Variants in ATXN7 observed in about 807,000 individuals in gnomAD.
The protein encoded by ATXN7 is ataxin 7.
ATXN7 carries 12 observed loss-of-function variants against 70.5 expected under a neutral mutation model. The observed-to-expected ratio is 0.17, with a 90% CI of 0.11 to 0.28. The LOEUF is 0.28. ATXN7 is among the 10% of genes least tolerant of loss of function. ATXN7 has a pLI of 1.00. For synonymous variants in ATXN7, 498 were observed against 448.7 expected (o/e 1.11, Z -1.39); for missense variants, 1,256 against 1,131.7 (o/e 1.11, Z -1.58).
At chr3:63,893,320 TAATGGTGA>T (rs1703343177) in intron 1 of ATXN7, among the ~76,000 whole-genome samples, 1 of 152,206 alleles carries the variant, frequency 6.6e-6, no homozygotes, top group African/African-American at 2.4e-5. Context: ...TACTTTTAGC[TAATGGTGA>T]AATGGTGCCC....
intron 4 of ATXN7, among the ~76,000 whole-genome samples, chr3:63,928,212 A>G (rs1399687530): frequency 6.6e-6 from 1 of 152,120 alleles, no homozygotes; most frequent in African/African-American, 2.4e-5. Flanking sequence ...GATCTGGGAG[A>G]ATCACTTGAG....
At chr3:63,868,310 C>G (rs1445613658) in intron 1 of ATXN7, among the ~76,000 whole-genome samples, 1 of 152,164 alleles carries the variant, frequency 6.6e-6, no homozygotes, top group East Asian at 1.9e-4. Context: ...TAGCTACTTA[C>G]CCTGCTTGAC....
chr3:63,951,504 A>G (rs1361369591), intron 4 of ATXN7, among the ~76,000 whole-genome samples: 1 of 152,244 alleles, frequency 6.6e-6, no homozygotes, highest in East Asian at 1.9e-4. Flanking sequence ...GATATTCTAA[A>G]GAGTGAATGT....
rs2075491483 is a variant in ATXN7, at chr3:63,981,812, C to T, written c.753-374C>T. Among the ~76,000 whole-genome samples the T allele has an allele frequency of 4.6e-5, 7 of 152,182 alleles. No individual in the cohort carries two copies. In the South Asian group the frequency reaches 8.3e-4, roughly 18 times the overall value. On this transcript the variant is annotated intron_variant, in intron 6 of 12. Coordinates refer to ENST00000674280, the MANE Select transcript of ATXN7 (RefSeq NM_001377405.1). ...ATCCTTTCGTACAAATGGCAGTCCT[C>T]AAAAGATATTCTCCAAGGGTTCTGC... is the stretch of plus-strand genomic sequence containing the variant.
At chr3:63,933,929 T>C (rs577695942) in intron 4 of ATXN7, among the ~76,000 whole-genome samples, 68 of 152,202 alleles carry the variant, frequency 4.5e-4, no homozygotes, top group Non-Finnish European at 8.5e-4. Flanking sequence ...TTTTTTTTTT[T>C]CCTAAATTAG....
chr3:63,978,583 C>T (rs532026762), intron 5 of ATXN7, among the ~76,000 whole-genome samples: 3 of 152,276 alleles, frequency 2.0e-5, no homozygotes, highest in African/African-American at 7.2e-5. Context: ...GTTTTTTATT[C>T]CTTATACACA....
chr3:63,978,871 T>G (rs1443745498), intron 5 of ATXN7, among the ~76,000 whole-genome samples: 2 of 152,232 alleles, frequency 1.3e-5, no homozygotes, highest in Non-Finnish European at 2.9e-5. Flanking sequence ...AATAAACCAT[T>G]GAAGTCTTAC....
intron 1 of ATXN7, among the ~76,000 whole-genome samples, chr3:63,872,268 T>C (rs1350387104): frequency 6.6e-6 from 1 of 152,236 alleles, no homozygotes; most frequent in Non-Finnish European, 1.5e-5. Context: ...CTGTCAGTTA[T>C]CTATTGTTAA....
chr3:63,927,763 C>G (rs1704775462), intron 4 of ATXN7, among the ~76,000 whole-genome samples: 1 of 151,916 alleles, frequency 6.6e-6, no homozygotes, highest in Non-Finnish European at 1.5e-5. Context: ...AGGCCTTTTT[C>G]TTTCCACTCT....
intron 1 of ATXN7, among the ~76,000 whole-genome samples, chr3:63,880,480 G>T (rs540217196): frequency 1.3e-5 from 2 of 152,266 alleles, no homozygotes; most frequent in Admixed American, 6.5e-5. Context: ...CCTTTCCATT[G>T]CCTAGAGGAA....
rs368165026 is a variant in ATXN7 at position 63,982,961 on chromosome 3, C to T, written c.1035C>T (p.Ile345=). Residue 345 remains isoleucine, a synonymous_variant, in exon 8 of 13, where the codon ATC becomes ATT. Coordinates refer to ENST00000674280, the MANE Select transcript of ATXN7 (RefSeq NM_001377405.1). The part of the protein sequence containing the change: ...RLSEREFDPD[I]HCGVIDLDTK... Reference sequence around the variant, plus strand: ...CAGAAAGAGAGTTTGATCCTGACATCCACTGTGGGGTTATTGATCTCGACA... The same window carrying T: ...CAGAAAGAGAGTTTGATCCTGACATTCACTGTGGGGTTATTGATCTCGACA... 4 of 1,613,834 alleles carry T rather than the reference C, an allele frequency of 2.5e-6. No homozygotes were observed. In the African/African-American group the frequency reaches 4.0e-5, roughly 16 times the overall value.
At chr3:63,958,402 A>T (rs972095709) in intron 5 of ATXN7, among the ~76,000 whole-genome samples, 1 of 152,182 alleles carries the variant, frequency 6.6e-6, no homozygotes, top group Admixed American at 6.5e-5. Context: ...GAGAAAAATG[A>T]ATTTTTTCTC....
intron 4 of ATXN7, among the ~76,000 whole-genome samples, chr3:63,914,485 A>C (rs1704182884): frequency 6.6e-6 from 1 of 152,216 alleles, no homozygotes; most frequent in Non-Finnish European, 1.5e-5. Context: ...ATGATGTTGC[A>C]ATATGAAAAA....
chr3:63,976,022 C>T (rs538946950), intron 5 of ATXN7, among the ~76,000 whole-genome samples: 2 of 152,250 alleles, frequency 1.3e-5, no homozygotes, highest in South Asian at 4.1e-4. Context: ...GGTGCCAGAT[C>T]CTGGAGAGAG....
chr3:63,882,215 G>A (rs758847901), intron 1 of ATXN7, among the ~76,000 whole-genome samples: 10 of 152,066 alleles, frequency 6.6e-5, no homozygotes, highest in Non-Finnish European at 1.5e-4. Flanking sequence ...CCTTACACAA[G>A]TTACTTCACC....
At chr3:63,948,083 C>A (rs935607531) in intron 4 of ATXN7, among the ~76,000 whole-genome samples, 1 of 152,042 alleles carries the variant, frequency 6.6e-6, no homozygotes, top group Non-Finnish European at 1.5e-5. Flanking sequence ...ACTCTGGCAG[C>A]CTTGTGGAAA....
chr3:63,996,617 TAAA>T (rs752406394), intron 12 of ATXN7, 134 bp downstream of exon 12: 29,097 of 200,166 alleles, frequency 0.15, 1,153 homozygotes, highest in Admixed American at 0.18. Context: ...GGTGTCTTCT[TAAA>T]AAAAAAAAAA....
rs1169144915 is a variant in ATXN7, at chr3:64,002,586, A to G, written c.*3119A>G. 6.6e-6 allele frequency: 1 copy of G among 152,176 alleles called. No homozygotes were observed. The highest frequency in any genetic ancestry group is 1.5e-5 in the Non-Finnish European group (1 of 68,054). The allele number at this position is 152,176 out of a possible 1,614,324, so 9.4% of individuals were successfully genotyped here. On this transcript the variant is annotated 3_prime_UTR_variant, in exon 13 of 13. Transcript: ENST00000674280. Reference sequence around the variant, plus strand: ...TTTAAAACTAATGGAAAAAACTGAAAGTGCCTGAAACTAGTTTTAAGCTTA... The same window carrying G: ...TTTAAAACTAATGGAAAAAACTGAAGGTGCCTGAAACTAGTTTTAAGCTTA...
rs377662689 is a variant in ATXN7, at chr3:63,988,311, C to T, written c.1348C>T (p.Pro450Ser). The T allele has an allele frequency of 1.4e-4, 227 of 1,613,944 alleles. No individual in the cohort carries two copies. Among genetic ancestry groups the T allele is most frequent in the Non-Finnish European group, 1.8e-4 (217 of 1,180,014 alleles). The change falls in exon 9 of 13, where the codon CCC becomes TCC. Residue 450 changes from proline to serine, a missense_variant. Pro to Ser is a moderately conservative substitution (Grantham distance 74, BLOSUM62 -1). Coordinates refer to ENST00000674280, the MANE Select transcript of ATXN7 (RefSeq NM_001377405.1). Reference sequence around the variant, plus strand: ...AGCTAGTAAACCTAAACCTCACACCCCCAGTCTTCCAAGGTAAGCCAGGCC... The same window carrying T: ...AGCTAGTAAACCTAAACCTCACACCTCCAGTCTTCCAAGGTAAGCCAGGCC... ...FVASKPKPHTPSLPRPPGCPA... is the reference protein window; with the variant it reads ...FVASKPKPHTSSLPRPPGCPA...
Sources: gnomAD v4.1 joint callset for allele counts (sites outside exome capture counted in the v4.1 genomes callset) on GRCh38, gnomAD v4.1.1 for gene constraint, MANE v1.5 for transcripts, NCBI Gene and HGNC (gene_info 2026-07-23, HGNC 2026-07-21) for gene names.